NCKAP5: variants seen among roughly 807,000 people sequenced by gnomAD.
The protein encoded by NCKAP5 is nck-associated protein 5.
NCKAP5 carries 92 observed loss-of-function variants against 167.0 expected under a neutral mutation model. The observed-to-expected ratio is 0.55, with a 90% CI of 0.47 to 0.66. The LOEUF (loss-of-function observed/expected upper bound fraction) is 0.66. NCKAP5 is among the 30% of genes least tolerant of loss of function. NCKAP5 has a pLI of 0.00. For synonymous variants in NCKAP5, 891 were observed against 877.4 expected (o/e 1.02, Z -0.27); for missense variants, 2,378 against 2,315.0 (o/e 1.03, Z -0.56).
chr2:133,266,170 T>A (rs1036782964), intron 4 of NCKAP5: 3 of 151,966 alleles, frequency 2.0e-5, no homozygotes, highest in Non-Finnish European at 2.9e-5. Context: ...TGGGCGGGGA[T>A]GCGCACACAC....
intron 8 of NCKAP5, among the ~76,000 whole-genome samples, chr2:132,945,102 T>C (rs2149114600): frequency 6.6e-6 from 1 of 152,212 alleles, no homozygotes; most frequent in East Asian, 1.9e-4. Context: ...GACACTCCAC[T>C]GGGGAAAGGC....
chr2:132,965,853 G>C (rs2076644880), intron 7 of NCKAP5, among the ~76,000 whole-genome samples: 1 of 151,102 alleles, frequency 6.6e-6, no homozygotes, highest in African/African-American at 2.4e-5. Flanking sequence ...TAAAAACATG[G>C]TATAATCTTA....
At chr2:133,253,860 C>G (rs1298193223) in intron 4 of NCKAP5, among the ~76,000 whole-genome samples, 1 of 152,240 alleles carries the variant, frequency 6.6e-6, no homozygotes, top group Non-Finnish European at 1.5e-5. Flanking sequence ...GTCCCACCAG[C>G]TCCCCTACAA....
intron 11 of NCKAP5, among the ~76,000 whole-genome samples, chr2:132,846,103 G>A (rs977765188): frequency 1.3e-5 from 2 of 151,726 alleles, no homozygotes; most frequent in South Asian, 2.1e-4. Flanking sequence ...GAAATATATC[G>A]GCTCTTGCGT....
intron 19 of NCKAP5, among the ~76,000 whole-genome samples, chr2:132,721,110 C>T (rs1017980583): frequency 6.6e-6 from 1 of 151,768 alleles, no homozygotes; most frequent in Admixed American, 6.6e-5. Flanking sequence ...GAGTTCAAGA[C>T]CAGCCTAGCC....
intron 6 of NCKAP5, among the ~76,000 whole-genome samples, chr2:133,025,406 T>C (rs537019617): frequency 3.3e-5 from 5 of 152,222 alleles, no homozygotes; most frequent in Admixed American, 6.5e-5. Context: ...ACTACGATCA[T>C]GTCATTCAAT....
chr2:133,597,386 C>T, the NCKAP5 span, among the ~76,000 whole-genome samples: 1 of 152,170 alleles, frequency 6.6e-6, no homozygotes, highest in Non-Finnish European at 1.5e-5. Flanking sequence ...GAGGAGACTG[C>T]TGGCTGGGCG....
intron 6 of NCKAP5, among the ~76,000 whole-genome samples, chr2:133,040,126 T>G (rs969163548): frequency 1.3e-5 from 2 of 152,022 alleles, no homozygotes; most frequent in African/African-American, 2.4e-5. Context: ...TAGCATGCCT[T>G]ATTAACAGGA....
the NCKAP5 span, among the ~76,000 whole-genome samples, chr2:133,651,758 T>C: frequency 6.6e-6 from 1 of 152,174 alleles, no homozygotes; most frequent in Non-Finnish European, 1.5e-5. Flanking sequence ...AACTTATATA[T>C]CCAATGACAG....
At chr2:133,455,673 T>C (rs1281288563) in intron 3 of NCKAP5, among the ~76,000 whole-genome samples, 8 of 152,130 alleles carry the variant, frequency 5.3e-5, no homozygotes, top group Non-Finnish European at 1.0e-4. Context: ...ACCATCACCA[T>C]ATATTAAAAA....
chr2:133,338,997 G>A (rs912442854), intron 3 of NCKAP5, among the ~76,000 whole-genome samples: 3 of 152,180 alleles, frequency 2.0e-5, no homozygotes, highest in Non-Finnish European at 4.4e-5. Flanking sequence ...TGCAGCCTAT[G>A]TGACAGAGTG....
In NCKAP5 at chr2:133,456,365, T is replaced by A. The variant is rs184093018; in HGVS notation, c.69+61093A>T. Among the ~76,000 whole-genome samples, 626 of 152,248 alleles carry A rather than the reference T, an allele frequency of 4.1e-3. 3 individuals carry two copies. The highest frequency in any genetic ancestry group is 0.012 in the African/African-American group (516 of 41,532). On this transcript the variant is annotated intron_variant, in intron 3 of 19. Transcript: ENST00000409261. ...AGGTGCCTGATTTGGCAGGTGCCCT[T>A]TTGCCCTTCCCTCTCCGCCTTCTTG...
chr2:133,124,965 G>A (rs2082355649), intron 6 of NCKAP5, among the ~76,000 whole-genome samples: 1 of 152,166 alleles, frequency 6.6e-6, no homozygotes, highest in Non-Finnish European at 1.5e-5. Flanking sequence ...AGGATGGTTT[G>A]AGCCCAGGAG....
At chr2:132,978,918 G>A (rs1213434053) in intron 7 of NCKAP5, among the ~76,000 whole-genome samples, 2 of 152,188 alleles carry the variant, frequency 1.3e-5, no homozygotes, top group Non-Finnish European at 2.9e-5. Context: ...TAGCAGTCCT[G>A]TGTGTCAAAG....
the NCKAP5 span, among the ~76,000 whole-genome samples, chr2:133,587,521 T>C: frequency 6.6e-6 from 1 of 152,226 alleles, no homozygotes; most frequent in Non-Finnish European, 1.5e-5. Context: ...AAAGTATTTA[T>C]GTTTTGTGCA....
At chr2:132,753,136 A>G (rs994826605) in intron 16 of NCKAP5, among the ~76,000 whole-genome samples, 4 of 152,220 alleles carry the variant, frequency 2.6e-5, no homozygotes, top group African/African-American at 9.6e-5. Context: ...GGCCCAGTCA[A>G]CATATGAAAT....
chr2:132,784,147 G>A lies in NCKAP5; in HGVS notation c.2664C>T (p.Pro888=). Residue 888 remains proline (P), a synonymous_variant, in exon 14 of 20, where the codon CCC becomes CCT. Coordinates refer to ENST00000409261, the MANE Select transcript of NCKAP5 (RefSeq NM_207363.3). Reference sequence around the variant, plus strand: ...ACCGTGACCCTGGAGTCTGACTCTTGGGGCACTGGACCCAGTCCCTCCTGC... The same window carrying A: ...ACCGTGACCCTGGAGTCTGACTCTTAGGGCACTGGACCCAGTCCCTCCTGC... ...MPSRRDWVQC[P]KSQTPGSRSR... is the part of the protein sequence containing the mutation. The A allele has an allele frequency of 6.5e-7, 1 of 1,526,966 alleles. No homozygotes were observed. The highest frequency in any genetic ancestry group is 8.8e-7 in the Non-Finnish European group (1 of 1,140,310). 94.6% of individuals were successfully genotyped at this position (1,526,966 alleles called of 1,614,324 possible).
At chr2:133,494,546 C>T (rs1681760471) in intron 3 of NCKAP5, among the ~76,000 whole-genome samples, 1 of 152,138 alleles carries the variant, frequency 6.6e-6, no homozygotes, top group Non-Finnish European at 1.5e-5. Flanking sequence ...AGTGAATGAG[C>T]CCCCTCTTAG....
chr2:133,016,569 TTAATGC>T (rs2078344312), intron 6 of NCKAP5, among the ~76,000 whole-genome samples: 1 of 152,230 alleles, frequency 6.6e-6, no homozygotes, highest in South Asian at 2.1e-4. Context: ...TTAAATAGTG[TTAATGC>T]TATAGAAGAA....
Sources: allele counts gnomAD v4.1 joint callset (sites outside exome capture counted in the v4.1 genomes callset), GRCh38; gene constraint gnomAD v4.1.1; transcripts MANE v1.5; gene names NCBI Gene and HGNC (gene_info 2026-07-23, HGNC 2026-07-21).